Variants in FHOD3 observed in about 807,000 individuals in gnomAD.
The protein encoded by FHOD3 is formin homology 2 domain containing 3, also known as FH1/FH2 domain-containing protein 3.
Under a neutral mutation model 173.0 loss-of-function variants are expected in FHOD3, and 90 were observed. The observed-to-expected ratio is 0.52, with a 90% confidence interval of 0.44 to 0.62. The LOEUF (loss-of-function observed/expected upper bound fraction) is 0.62, where lower values mean the gene tolerates loss of function less well. Ranked by LOEUF, FHOD3 falls within the 20% of genes least tolerant of loss-of-function variation. The pLI is 0.00. For synonymous variants in FHOD3, 828 were observed against 823.0 expected (o/e 1.01, Z -0.10); for missense variants, 1,945 against 2,034.7 (o/e 0.96, Z 0.85).
chr18:36,525,118 C>T (rs1000568627), intron 5 of FHOD3, among the ~76,000 whole-genome samples: 2 of 151,982 alleles, frequency 1.3e-5, no homozygotes, highest in South Asian at 2.1e-4. Context: ...GTGAGTATAA[C>T]GGATGTGTAA....
chr18:36,309,821 A>G (rs979284677), intron 1 of FHOD3, among the ~76,000 whole-genome samples: 3 of 152,356 alleles, frequency 2.0e-5, no homozygotes, highest in Admixed American at 2.0e-4. Context: ...TCATTACAGA[A>G]TACGCCAGTA....
At chr18:36,365,252 G>C (rs552369912) in intron 2 of FHOD3, among the ~76,000 whole-genome samples, 4 of 152,278 alleles carry the variant, frequency 2.6e-5, no homozygotes, top group African/African-American at 9.6e-5. Context: ...AGTGACAAGA[G>C]AAAAAAATAG....
intron 5 of FHOD3, among the ~76,000 whole-genome samples, chr18:36,571,147 A>G (rs546894101): frequency 6.6e-6 from 1 of 152,122 alleles, no homozygotes; most frequent in East Asian, 1.9e-4. Context: ...AAAATCAAAC[A>G]CTCCTAGAAT....
intron 3 of FHOD3, among the ~76,000 whole-genome samples, chr18:36,380,637 C>CCTTTT (rs1287897096): frequency 5.1e-4 from 71 of 140,524 alleles, no homozygotes; most frequent in African/African-American, 1.8e-3. Flanking sequence ...CCTTTCCTTT[C>CCTTTT]CTTTCTCTGT....
intron 10 of FHOD3, among the ~76,000 whole-genome samples, chr18:36,628,292 G>A (rs2034262129): frequency 6.6e-6 from 1 of 152,000 alleles, no homozygotes; most frequent in Non-Finnish European, 1.5e-5. Context: ...CCAAGGGCTG[G>A]GCCCTTGGCT....
intron 3 of FHOD3, among the ~76,000 whole-genome samples, chr18:36,438,884 A>G (rs2050966443): frequency 6.6e-6 from 1 of 152,214 alleles, no homozygotes; most frequent in African/African-American, 2.4e-5. Context: ...CCTCAGGGTG[A>G]GGCCTAGACA....
At chr18:36,350,985 C>T (rs906588179) in intron 1 of FHOD3, among the ~76,000 whole-genome samples, 5 of 152,156 alleles carry the variant, frequency 3.3e-5, no homozygotes, top group African/African-American at 1.2e-4. Flanking sequence ...CCAAGAAGCA[C>T]TGTGTTCTTC....
At chr18:36,572,118 G>A (rs192054171) in intron 5 of FHOD3, among the ~76,000 whole-genome samples, 80 of 152,286 alleles carry the variant, frequency 5.3e-4, no homozygotes, top group Admixed American at 1.4e-3. Flanking sequence ...TCATTTTTGA[G>A]ATGAAGAAAC....
chr18:36,443,723 G>A (rs1223963637), intron 3 of FHOD3, among the ~76,000 whole-genome samples: 1 of 152,138 alleles, frequency 6.6e-6, no homozygotes, highest in Non-Finnish European at 1.5e-5. Flanking sequence ...ACGGAGCTAG[G>A]AAATACAGCT....
chr18:36,574,189 A>G (rs934595366), intron 5 of FHOD3, among the ~76,000 whole-genome samples: 2 of 152,236 alleles, frequency 1.3e-5, no homozygotes, highest in African/African-American at 4.8e-5. Context: ...ATAGTTCTAG[A>G]TAGCCTTATT....
At chr18:36,481,021 T>G (rs868658554) in intron 3 of FHOD3, among the ~76,000 whole-genome samples, 15 of 6,286 alleles carry the variant, frequency 2.4e-3, no homozygotes, top group African/African-American at 5.9e-3. Flanking sequence ...TGGGAGGTGG[T>G]TTTTTTTTTT....
intron 28 of FHOD3, among the ~76,000 whole-genome samples, chr18:36,776,942 C>A (rs1267653508): frequency 1.3e-5 from 2 of 152,280 alleles, no homozygotes; most frequent in East Asian, 1.9e-4. Flanking sequence ...GGTGACCGGG[C>A]CCTTATTCGA....
At chr18:36,777,032 A>G (rs942005331) in intron 28 of FHOD3, among the ~76,000 whole-genome samples, 1 of 152,170 alleles carries the variant, frequency 6.6e-6, no homozygotes, top group South Asian at 2.1e-4. Flanking sequence ...AGCATCTTTA[A>G]ATACCTTCAT....
intron 3 of FHOD3, among the ~76,000 whole-genome samples, chr18:36,457,623 A>G (rs1413829521): frequency 6.6e-6 from 1 of 151,408 alleles, no homozygotes; most frequent in Non-Finnish European, 1.5e-5. Flanking sequence ...GAGTTGACCA[A>G]TCTTGCCTGA....
intron 1 of FHOD3, among the ~76,000 whole-genome samples, chr18:36,308,832 G>C (rs1047120937): frequency 2.0e-5 from 3 of 152,188 alleles, no homozygotes; most frequent in African/African-American, 7.2e-5. Flanking sequence ...TAATATACAT[G>C]ATGATTGCAG....
intron 5 of FHOD3, among the ~76,000 whole-genome samples, chr18:36,515,522 C>T (rs1006882593): frequency 4.6e-5 from 7 of 152,164 alleles, no homozygotes; most frequent in Admixed American, 4.6e-4. Context: ...CGGCCACAGC[C>T]ATTTATTTTG....
chr18:36,395,319 A>C (rs2048505155), intron 3 of FHOD3, among the ~76,000 whole-genome samples: 1 of 151,566 alleles, frequency 6.6e-6, no homozygotes, highest in African/African-American at 2.4e-5. Context: ...TCCGTCTCAA[A>C]AAAAAAAAAA....
chr18:36,472,040 T>A (rs2053315253), intron 3 of FHOD3, among the ~76,000 whole-genome samples: 1 of 152,158 alleles, frequency 6.6e-6, no homozygotes, highest in Admixed American at 6.5e-5. Flanking sequence ...CAGATAATGA[T>A]GTTGCTTGAA....
At chr18:36,611,904 A>T in intron 8 of FHOD3, 48 bp from the exon 9 acceptor site, 17 of 1,569,230 alleles carry the variant, frequency 1.1e-5, no homozygotes, top group Admixed American at 1.9e-5. Flanking sequence ...GAGAGCCTCA[A>T]GGCAGTCTTC....
Sources: allele counts gnomAD v4.1 joint callset (sites outside exome capture counted in the v4.1 genomes callset), GRCh38; gene constraint gnomAD v4.1.1; transcripts MANE v1.5; gene names NCBI Gene and HGNC (gene_info 2026-07-23, HGNC 2026-07-21).